PGBD2: variants seen among roughly 807,000 people sequenced by gnomAD.
PGBD2 encodes the protein piggyBac transposable element-derived protein 2.
A neutral mutation model predicts 8.1 loss-of-function variants in PGBD2; 6 were observed. The observed-to-expected ratio is 0.74, with a 90% CI of 0.40 to 1.46. The LOEUF (loss-of-function observed/expected upper bound fraction) is 1.46, where lower values mean the gene tolerates loss of function less well. Among genes scored for constraint, PGBD2 ranks in the 40% most tolerant of loss-of-function variants. The probability of loss-of-function intolerance (pLI) is 0.02; values close to 1 mark genes in which losing one functional copy is unlikely to be tolerated. For synonymous variants in PGBD2, 318 were observed against 272.2 expected (o/e 1.17, Z -1.66); for missense variants, 802 against 739.0 (o/e 1.09, Z -0.99).
rs1393518344 is a variant in PGBD2, at chr1:248,917,641, G to A, written c.1057G>A (p.Val353Ile). Reference sequence around the variant, plus strand: ...GCCATATCACATATTTTTTGACAAGGTTTTCACAAGTGTTAAACTGATGTC... The same window carrying A: ...GCCATATCACATATTTTTTGACAAGATTTTCACAAGTGTTAAACTGATGTC... ...FLPYHIFFDK[V>I]FTSVKLMSIL... Residue 353 changes from valine to isoleucine, a missense_variant, in exon 3 of 3, where the codon GTT (valine) becomes ATT (isoleucine). Transcript: ENST00000329291. 1 of 1,614,222 alleles carries A rather than the reference G, an allele frequency of 6.2e-7. No homozygotes were observed.
chr1:248,907,056 T>C (rs546635945), intron 1 of PGBD2, among the ~76,000 whole-genome samples: 16 of 152,126 alleles, frequency 1.1e-4, no homozygotes, highest in East Asian at 1.9e-4. Flanking sequence ...TACCAAGGAC[T>C]TGCACCAGCA....
the PGBD2 span, among the ~76,000 whole-genome samples, chr1:248,887,987 A>G: frequency 1.0e-3 from 152 of 152,304 alleles, no homozygotes; most frequent in Non-Finnish European, 1.8e-3. Context: ...TTTAGCCCCC[A>G]CTACTAAGTG....
At chr1:248,889,197 C>T in the PGBD2 span, among the ~76,000 whole-genome samples, 2 of 152,098 alleles carry the variant, frequency 1.3e-5, no homozygotes, top group Admixed American at 1.3e-4. Flanking sequence ...CCAGCCTGGC[C>T]AACATGGCGA....
chr1:248,924,339 GC>G (rs1474086725), downstream of PGBD2, among the ~76,000 whole-genome samples: 1 of 152,214 alleles, frequency 6.6e-6, no homozygotes, highest in Non-Finnish European at 1.5e-5. Context: ...ATTCACTGTA[GC>G]CCTTGACAGA....
At chr1:248,912,880 T>G (rs58711479) in intron 1 of PGBD2, 1 of 150,580 alleles carries the variant, frequency 6.6e-6, no homozygotes, top group Non-Finnish European at 1.5e-5. Context: ...CTCGGCTCAC[T>G]GCAACCTCGC....
chr1:248,928,617 T>C, the PGBD2 span, among the ~76,000 whole-genome samples: 2 of 152,176 alleles, frequency 1.3e-5, no homozygotes, highest in African/African-American at 4.8e-5. Flanking sequence ...AACTAATCTG[T>C]TCTCTTTCCA....
the PGBD2 span, among the ~76,000 whole-genome samples, chr1:248,889,934 T>TA: frequency 4.6e-5 from 7 of 150,918 alleles, no homozygotes; most frequent in Non-Finnish European, 8.9e-5. Context: ...TTTTCTTTTT[T>TA]TTTTTTTTTT....
the PGBD2 span, among the ~76,000 whole-genome samples, chr1:248,898,549 A>G: frequency 6.6e-6 from 1 of 152,218 alleles, no homozygotes; most frequent in African/African-American, 2.4e-5. Flanking sequence ...TTTTCAGATG[A>G]GCAAATGCTG....
chr1:248,893,380 C>T, the PGBD2 span, among the ~76,000 whole-genome samples: 1 of 152,140 alleles, frequency 6.6e-6, no homozygotes, highest in Non-Finnish European at 1.5e-5. Flanking sequence ...CCCCATATCC[C>T]TCTCCCCCAT....
At chr1:248,907,911 T>C (rs1318509013) in intron 1 of PGBD2, among the ~76,000 whole-genome samples, 1 of 152,228 alleles carries the variant, frequency 6.6e-6, no homozygotes, top group Non-Finnish European at 1.5e-5. Flanking sequence ...TCCCTACAGT[T>C]AGGCACCTGG....
intron 2 of PGBD2, among the ~76,000 whole-genome samples, chr1:248,915,243 C>A (rs1662050833): frequency 6.6e-6 from 1 of 152,240 alleles, no homozygotes; most frequent in Admixed American, 6.5e-5. Flanking sequence ...AGCCCCTGGG[C>A]AGCACCTGCT....
upstream of PGBD2, among the ~76,000 whole-genome samples, chr1:248,901,824 C>A (rs1661539249): frequency 6.6e-6 from 1 of 152,148 alleles, no homozygotes; most frequent in Admixed American, 6.5e-5. Context: ...AGTGAACAGA[C>A]AACCTCCAGA....
At chr1:248,903,342 G>A (rs1403334221), upstream of PGBD2, among the ~76,000 whole-genome samples, 1 of 151,508 alleles carries the variant, frequency 6.6e-6, no homozygotes, top group East Asian at 2.0e-4. Context: ...GGGGCTACAG[G>A]TGTGTACCAT....
At chr1:248,896,634 A>G in the PGBD2 span, among the ~76,000 whole-genome samples, 1 of 152,226 alleles carries the variant, frequency 6.6e-6, no homozygotes, top group Non-Finnish European at 1.5e-5. Flanking sequence ...CCCTCCTACA[A>G]AAAACTTTTA....
chr1:248,874,662 A>G, the PGBD2 span, among the ~76,000 whole-genome samples: 1 of 152,162 alleles, frequency 6.6e-6, no homozygotes, highest in Non-Finnish European at 1.5e-5. Flanking sequence ...TGTTGCCTAG[A>G]GGGGCGGGTC....
At position 248,918,497 on chromosome 1, in the gene PGBD2, C is replaced by A. The variant is rs994546627; in HGVS notation, c.*134C>A. 1 of 792,058 alleles carries A rather than the reference C, an allele frequency of 1.3e-6. No individual in the cohort carries two copies. The highest frequency in any genetic ancestry group is 1.9e-6 in the Non-Finnish European group (1 of 518,298). The allele number at this position is 792,058 out of a possible 1,614,324, so 49.1% of individuals were successfully genotyped here. A position where few individuals can be genotyped will look rare whatever the true frequency, so the allele number is the denominator to read the frequency against. The stretch of plus-strand genomic sequence containing the variant: ...ACTTGATTTTCTATTTTCTCCCTAC[C>A]CACAATACAGTTATCTTTTTTATTG... On this transcript the variant is annotated 3_prime_UTR_variant, in exon 3 of 3. Coordinates refer to ENST00000329291, the MANE Select transcript of PGBD2 (RefSeq NM_170725.3).
chr1:248,914,190 G>C (rs73136429), intron 2 of PGBD2, among the ~76,000 whole-genome samples: 9,647 of 152,210 alleles, frequency 0.063, 884 homozygotes, highest in African/African-American at 0.2. Flanking sequence ...TCCCCGCAGG[G>C]TTTCTCATGC....
the PGBD2 span, among the ~76,000 whole-genome samples, chr1:248,880,934 TA>T: frequency 6.6e-6 from 1 of 152,162 alleles, no homozygotes; most frequent in Non-Finnish European, 1.5e-5. Context: ...AGTCATTATT[TA>T]GCATTATGAT....
chr1:248,874,929 G>GATAGATAGATAGATAGATAGATAGACAA, the PGBD2 span, among the ~76,000 whole-genome samples: 2 of 150,424 alleles, frequency 1.3e-5, no homozygotes, highest in African/African-American at 5.0e-5. Flanking sequence ...TAGATAGATA[G>GATAGATAGATAGATAGATAGATAGACAA]ATAGATAGAT....
Sources: allele counts gnomAD v4.1 joint callset (sites outside exome capture counted in the v4.1 genomes callset), GRCh38; gene constraint gnomAD v4.1.1; transcripts MANE v1.5; gene names NCBI Gene and HGNC (gene_info 2026-07-23, HGNC 2026-07-21).